MYO5C: variants seen among roughly 807,000 people sequenced by gnomAD.
MYO5C encodes the protein unconventional myosin-Vc.
Under a neutral mutation model 235.7 loss-of-function variants are expected in MYO5C, and 194 were observed. That is an observed-to-expected ratio of 0.82 (90% CI 0.73 to 0.93). The LOEUF is 0.93. Ranked by LOEUF, MYO5C falls within the 40% of genes least tolerant of loss-of-function variation. The pLI is 0.00. For synonymous variants in MYO5C, 707 were observed against 754.8 expected (o/e 0.94, Z 1.04); for missense variants, 2,038 against 2,127.2 (o/e 0.96, Z 0.82).
rs760330624 is a variant in MYO5C at position 52,223,698 on chromosome 15, T to C, written c.3473A>G (p.Gln1158Arg). Residue 1158 changes from glutamine to arginine, a missense_variant, in exon 29 of 41, where the codon CAG becomes CGG. Physicochemically the swap from Gln to Arg is conservative, Grantham distance 43. Coordinates refer to ENST00000261839, the MANE Select transcript of MYO5C (RefSeq NM_018728.4). ...TRVLESHFQS[Q>R]KDCYEKEIEA... The stretch of plus-strand genomic sequence containing the variant: ...AATCTCCTTTTCATAGCAATCCTTC[T>C]GAGACTGGAAATGGCTCTCCAAAAC... 6.2e-7 allele frequency: 1 copy of C among 1,614,106 alleles called. No homozygotes were observed. The highest frequency in any genetic ancestry group is 1.3e-5 in the African/African-American group (1 of 75,038).
chr15:52,222,891 C>T (rs866093116), intron 29 of MYO5C, among the ~76,000 whole-genome samples: 3 of 152,116 alleles, frequency 2.0e-5, no homozygotes, highest in Non-Finnish European at 4.4e-5. Flanking sequence ...AGGCCGGGCA[C>T]GGTGGCTTAT....
At chr15:52,208,345 G>T (rs146967597) in intron 36 of MYO5C, among the ~76,000 whole-genome samples, 347 of 152,324 alleles carry the variant, frequency 2.3e-3, no homozygotes, top group Non-Finnish European at 3.9e-3. Flanking sequence ...TGATTTAAAA[G>T]TAATGGAGAC....
intron 12 of MYO5C, among the ~76,000 whole-genome samples, chr15:52,252,631 T>C (rs2036496635): frequency 2.0e-5 from 3 of 152,006 alleles, no homozygotes; most frequent in Non-Finnish European, 2.9e-5. Flanking sequence ...AAAAATTAGC[T>C]GGGCATGGTG....
At chr15:52,250,246 T>C in intron 13 of MYO5C, among the ~76,000 whole-genome samples, 1 of 14,306 alleles carries the variant, frequency 7.0e-5, no homozygotes, top group East Asian at 2.0e-3. Context: ...CTTTTTCTTT[T>C]TCTTTTTTTT....
chr15:52,249,917 G>T (rs2141332287), intron 13 of MYO5C, among the ~76,000 whole-genome samples: 1 of 152,290 alleles, frequency 6.6e-6, no homozygotes, highest in East Asian at 1.9e-4. Flanking sequence ...TAGTGCATGT[G>T]GGTTCTTCCC....
chr15:52,260,902 C>T lies in MYO5C; in HGVS notation c.1273G>A (p.Gly425Ser). The T allele has an allele frequency of 6.2e-7, 1 of 1,614,190 alleles. No homozygotes were observed. The highest frequency in any genetic ancestry group is 8.5e-7 in the Non-Finnish European group (1 of 1,180,050). The change falls in exon 10 of 41, where the codon GGC becomes AGC. Residue 425 changes from glycine to serine, a missense_variant. Transcript: ENST00000261839. ...ERINQALQFS[G>S]KQHTFIGVLD... ...ACACCAATAAAAGTGTGCTGCTTGC[C>T]TGAAAACTGCAACGCTTGGTTAATT... is the stretch of plus-strand genomic sequence containing the variant.
intron 25 of MYO5C, among the ~76,000 whole-genome samples, chr15:52,227,499 A>G (rs1436113137): frequency 6.6e-6 from 1 of 151,728 alleles, no homozygotes; most frequent in East Asian, 1.9e-4. Context: ...GCCCAGCCCC[A>G]AGTAATCTTA....
At chr15:52,284,473 T>G (rs1341053745) in intron 1 of MYO5C, among the ~76,000 whole-genome samples, 1 of 152,104 alleles carries the variant, frequency 6.6e-6, no homozygotes, top group Non-Finnish European at 1.5e-5. Context: ...CGAAGGTGTA[T>G]GAGGGGATCT....
chr15:52,224,823 A>G, intron 28 of MYO5C, 78 bp downstream of exon 28: 1 of 1,144,204 alleles, frequency 8.7e-7, no homozygotes. Context: ...CAATCTATGT[A>G]AGGTAAACTT....
At chr15:52,230,669 C>T (rs2035927907) in intron 24 of MYO5C, among the ~76,000 whole-genome samples, 1 of 151,906 alleles carries the variant, frequency 6.6e-6, no homozygotes, top group Non-Finnish European at 1.5e-5. Flanking sequence ...CTTGGCCTCC[C>T]AAAGTGCTGG....
At chr15:52,279,414 G>T in intron 3 of MYO5C, 95 bp downstream of exon 3, 1 of 1,288,130 alleles carries the variant, frequency 7.8e-7, no homozygotes, top group Non-Finnish European at 1.1e-6. Flanking sequence ...AACAAACTCT[G>T]GGTGCTCAGT....
At chr15:52,227,570 C>G (rs551285720) in intron 25 of MYO5C, among the ~76,000 whole-genome samples, 1 of 152,238 alleles carries the variant, frequency 6.6e-6, no homozygotes, top group African/African-American at 2.4e-5. Context: ...GTGACACCTA[C>G]TGGTACCTCT....
chr15:52,261,881 A>G (rs1017001262), intron 9 of MYO5C, among the ~76,000 whole-genome samples: 1 of 152,176 alleles, frequency 6.6e-6, no homozygotes, highest in African/African-American at 2.4e-5. Flanking sequence ...CCCTGCCGGC[A>G]CCATTCCAGC....
intron 20 of MYO5C, among the ~76,000 whole-genome samples, chr15:52,240,203 CTTTTCT>C (rs771494587): frequency 1.2e-4 from 18 of 152,062 alleles, no homozygotes; most frequent in African/African-American, 3.1e-4. Context: ...TTCTTTTTTT[CTTTTCT>C]TTTTCTTTTT....
chr15:52,251,768 G>C (rs1407945425), intron 12 of MYO5C, among the ~76,000 whole-genome samples: 1 of 151,996 alleles, frequency 6.6e-6, no homozygotes, highest in Non-Finnish European at 1.5e-5. Flanking sequence ...GGGTTCAAGC[G>C]ATTCTCCTGC....
intron 26 of MYO5C, 49 bp from the exon 27 acceptor site, chr15:52,225,187 T>C: frequency 6.3e-7 from 1 of 1,597,510 alleles, no homozygotes; most frequent in Non-Finnish European, 8.6e-7. Flanking sequence ...GGATGATTTA[T>C]CTTTTCCCAT....
chr15:52,291,350 C>T (rs1034371452), intron 1 of MYO5C, among the ~76,000 whole-genome samples: 1 of 152,210 alleles, frequency 6.6e-6, no homozygotes, highest in African/African-American at 2.4e-5. Flanking sequence ...GTCCTACCCA[C>T]CCTTCCTGCT....
chr15:52,223,782 G>A (rs1471979413), intron 28 of MYO5C, 58 bp from the exon 29 acceptor site: 3 of 1,496,738 alleles, frequency 2.0e-6, no homozygotes, highest in Middle Eastern at 1.8e-4. Flanking sequence ...TTTATGGACT[G>A]CTGGGAGGCA....
At chr15:52,208,444 T>A (rs2035369989) in intron 36 of MYO5C, 110 bp downstream of exon 36, 3 of 908,442 alleles carry the variant, frequency 3.3e-6, no homozygotes, top group Non-Finnish European at 5.1e-6. Flanking sequence ...ACAGATAATG[T>A]GCTGTTGGCC....
Sources: gnomAD v4.1 joint callset for allele counts (sites outside exome capture counted in the v4.1 genomes callset) on GRCh38, gnomAD v4.1.1 for gene constraint, MANE v1.5 for transcripts, NCBI Gene and HGNC (gene_info 2026-07-23, HGNC 2026-07-21) for gene names.